Variants in ZNF207 observed in about 807,000 individuals in gnomAD.
ZNF207 encodes BUB3-interacting and GLEBS motif-containing protein ZNF207.
Under a neutral mutation model 60.2 loss-of-function variants are expected in ZNF207, and 24 were observed. That is an observed-to-expected ratio of 0.40 (90% confidence interval 0.29 to 0.56). The LOEUF (loss-of-function observed/expected upper bound fraction) is 0.56, where lower values mean the gene tolerates loss of function less well. Ranked by LOEUF, ZNF207 falls within the 20% of genes least tolerant of loss-of-function variation. The pLI is 0.49. For synonymous variants in ZNF207, 236 were observed against 194.7 expected (o/e 1.21, Z -1.77); for missense variants, 452 against 636.6 (o/e 0.71, Z 3.12).
rs1457245183 is a variant in ZNF207 at position 32,379,094 on chromosome 17, A to G, written c.*9335A>G. On this transcript the variant is annotated 3_prime_UTR_variant, in exon 12 of 12. Coordinates refer to ENST00000394670, the MANE Select transcript of ZNF207 (RefSeq NM_001098507.2). ...AAGATAACCACTTGTTTTTTAATGTAAAATTGCACAAGGGCTTAAGTTTCA... is the reference window on the plus strand; with the variant it reads ...AAGATAACCACTTGTTTTTTAATGTGAAATTGCACAAGGGCTTAAGTTTCA... 1.3e-5 allele frequency: 2 copies of G among 152,132 alleles called. No homozygotes were observed. The highest frequency in any genetic ancestry group is 6.5e-5 in the Admixed American group (1 of 15,280). 9.4% of individuals were successfully genotyped at this position (152,132 alleles called of 1,614,324 possible). A position where few individuals can be genotyped will look rare whatever the true frequency, so the allele number is the denominator to read the frequency against.
intron 2 of ZNF207, among the ~76,000 whole-genome samples, chr17:32,354,902 C>A (rs1249907299): frequency 1.3e-5 from 2 of 152,234 alleles, no homozygotes; most frequent in Non-Finnish European, 2.9e-5. Flanking sequence ...GCGTGAGCCA[C>A]TGCGCCCAGC....
intron 8 of ZNF207, among the ~76,000 whole-genome samples, chr17:32,366,054 A>G (rs1185548308): frequency 6.6e-6 from 1 of 152,204 alleles, no homozygotes; most frequent in Non-Finnish European, 1.5e-5. Context: ...TATATGGTAT[A>G]CACATGATGG....
At chr17:32,350,434 C>T in intron 1 of ZNF207, 108 bp downstream of exon 1, 3 of 1,451,180 alleles carry the variant, frequency 2.1e-6, no homozygotes, top group South Asian at 2.3e-5. Context: ...TGTATTTAGG[C>T]GTCTGCGTGG....
At position 32,370,557 on chromosome 17, in the gene ZNF207, AAAACTT is replaced by A. The variant is rs1905422289; in HGVS notation, c.*801_*806del. The A allele has an allele frequency of 1.3e-5, 2 of 152,366 alleles. No individual in the cohort carries two copies. The highest frequency in any genetic ancestry group is 6.5e-5 in the Admixed American group (1 of 15,310). 9.4% of individuals were successfully genotyped at this position (152,366 alleles called of 1,614,324 possible). A position where few individuals can be genotyped will look rare whatever the true frequency, so the allele number is the denominator to read the frequency against. ...GTATGTTAATGTTTCAGTTAAGAGA[AAAACTT>A]AAGATACATGAGTCATTACATAATG... On this transcript the variant is annotated 3_prime_UTR_variant, in exon 12 of 12. Coordinates refer to ENST00000394670, the MANE Select transcript of ZNF207 (RefSeq NM_001098507.2).
chr17:32,361,498 A>T lies in ZNF207; in HGVS notation c.582A>T (p.Ser194=). Residue 194 remains serine, a synonymous_variant, in exon 6 of 12, where the codon TCA becomes TCT. Coordinates refer to ENST00000394670, the MANE Select transcript of ZNF207 (RefSeq NM_001098507.2). The part of the protein sequence containing the change: ...GLHHQRKYTQ[S]FCGENIMMPM... The stretch of plus-strand genomic sequence containing the variant: ...ATCATCAGAGAAAATACACCCAGTC[A>T]TTTTGCGGTGAAAACATGTAAGCAT... 1 of 1,607,856 alleles carries T rather than the reference A, an allele frequency of 6.2e-7. No homozygotes were observed. The highest frequency in any genetic ancestry group is 8.5e-7 in the Non-Finnish European group (1 of 1,177,014).
chr17:32,361,695 C>T lies in ZNF207; in HGVS notation c.599+180C>T, dbSNP rs140363711. Among the ~76,000 whole-genome samples the T allele has an allele frequency of 7.5e-3, 1,142 of 152,150 alleles. 12 individuals are homozygous for T. The highest frequency in any genetic ancestry group is 0.023 in the African/African-American group (968 of 41,492). On this transcript the variant is annotated intron_variant, in intron 6 of 11. Transcript: ENST00000394670. Reference sequence around the variant, plus strand: ...GGAAAATAAAACATCTTTTAGGAAACGGTAATAGACCCATATAAACATACT... The same window carrying T: ...GGAAAATAAAACATCTTTTAGGAAATGGTAATAGACCCATATAAACATACT...
rs1905718472 is a variant in ZNF207 at position 32,377,536 on chromosome 17, A to G, written c.*7777A>G. 6.6e-6 allele frequency: 1 copy of G among 151,994 alleles called. No individual in the cohort carries two copies. The allele number at this position is 151,994 out of a possible 1,614,324, so 9.4% of individuals were successfully genotyped here. A position where few individuals can be genotyped will look rare whatever the true frequency, so the allele number is the denominator to read the frequency against. ...AATTGAGAATCTCTGATGTGACAAA[A>G]TCAATTTTTACAAAAGTTGAATTAA... On this transcript the variant is annotated 3_prime_UTR_variant, in exon 12 of 12. Coordinates refer to ENST00000394670, the MANE Select transcript of ZNF207 (RefSeq NM_001098507.2).
chr17:32,379,587 C>G lies in ZNF207; in HGVS notation c.*9828C>G, dbSNP rs537869847. The G allele has an allele frequency of 2.6e-5, 4 of 152,034 alleles. No homozygotes were observed. Among genetic ancestry groups the G allele is most frequent in the Non-Finnish European group, 5.9e-5 (4 of 67,958 alleles). The allele number at this position is 152,034 out of a possible 1,614,324, so 9.4% of individuals were successfully genotyped here. A position where few individuals can be genotyped will look rare whatever the true frequency, so the allele number is the denominator to read the frequency against. ...TAGGTGTAAAATTAAGATACCAGAA[C>G]TTCATTCTGTTCTTGTTGAAGCTGT... On this transcript the variant is annotated 3_prime_UTR_variant, in exon 12 of 12. Coordinates refer to ENST00000394670, the MANE Select transcript of ZNF207 (RefSeq NM_001098507.2).
At position 32,378,058 on chromosome 17, in the gene ZNF207, G is replaced by A. The variant is rs1172660927; in HGVS notation, c.*8299G>A. On this transcript the variant is annotated 3_prime_UTR_variant, in exon 12 of 12. Transcript: ENST00000394670. ...TATAACTCACACAAGGAAGAAAGCT[G>A]TGCGGTTACTTAAATGTTAGTATAA... The A allele has an allele frequency of 6.6e-6, 1 of 152,414 alleles. No individual in the cohort carries two copies. Among genetic ancestry groups the A allele is most frequent in the Non-Finnish European group, 1.5e-5 (1 of 67,890 alleles). The allele number at this position is 152,414 out of a possible 1,614,324, so 9.4% of individuals were successfully genotyped here. A position where few individuals can be genotyped will look rare whatever the true frequency, so the allele number is the denominator to read the frequency against.
chr17:32,350,170 T>G lies in ZNF207; in HGVS notation c.-116T>G. 1 of 1,527,018 alleles carries G rather than the reference T, an allele frequency of 6.5e-7. No homozygotes were observed. 94.6% of individuals were successfully genotyped at this position (1,527,018 alleles called of 1,614,324 possible). ...GGGAACGAGGCCGTCGGCCATTTTG[T>G]GTCTGCTTCCTGTGGGACGTGGTGG... is the stretch of plus-strand genomic sequence containing the variant. On this transcript the variant is annotated 5_prime_UTR_variant, in exon 1 of 12. Transcript: ENST00000394670.
At chr17:32,368,743 A>AC (rs1905320347) in intron 10 of ZNF207, 1 of 152,158 alleles carries the variant, frequency 6.6e-6, no homozygotes, top group African/African-American at 2.4e-5. Flanking sequence ...AGTGGCTCAC[A>AC]CCGGTAATCC....
rs746535760 is a variant in ZNF207, at chr17:32,365,397, A to G, written c.738A>G (p.Pro246=). The G allele has an allele frequency of 6.2e-7, 1 of 1,613,988 alleles. No individual in the cohort carries two copies. The highest frequency in any genetic ancestry group is 8.5e-7 in the Non-Finnish European group (1 of 1,180,024). The change falls in exon 8 of 12, where the codon CCA becomes CCG. Residue 246 remains proline, a synonymous_variant. Transcript: ENST00000394670. ...CTCAAGCACAGGCTGTTTCAGCGCC[A>G]GGTATTCTTAATAGACCACCTGCAC... ...PMTQAQAVSA[P]GILNRPPAPT...
Position 32,370,854 on chromosome 17 carries a change from C to G in ZNF207, c.*1095C>G, listed in dbSNP as rs1168394034. On this transcript the variant is annotated 3_prime_UTR_variant, in exon 12 of 12. Coordinates refer to ENST00000394670, the MANE Select transcript of ZNF207 (RefSeq NM_001098507.2). ...TGTTAATGGGTTATTATATATTATT[C>G]TAAGTGTAATGCTGAGAATCTAAAT... 1 of 152,136 alleles carries G rather than the reference C, an allele frequency of 6.6e-6. No homozygotes were observed. The highest frequency in any genetic ancestry group is 1.5e-5 in the Non-Finnish European group (1 of 68,024). The allele number at this position is 152,136 out of a possible 1,614,324, so 9.4% of individuals were successfully genotyped here. A position where few individuals can be genotyped will look rare whatever the true frequency, so the allele number is the denominator to read the frequency against.
In ZNF207 at chr17:32,373,135, AT is replaced by A. The variant is rs1263933052; in HGVS notation, c.*3377del. ...ACATTTGCCATTAGGTATGAATAAA[AT>A]ATTCCTACTGTACTCCTATTCCACT... On this transcript the variant is annotated 3_prime_UTR_variant, in exon 12 of 12. Transcript: ENST00000394670. The A allele has an allele frequency of 8.8e-6, 3 of 340,252 alleles. No homozygotes were observed. The highest frequency in any genetic ancestry group is 1.6e-5 in the Non-Finnish European group (3 of 188,796). 21.1% of individuals were successfully genotyped at this position (340,252 alleles called of 1,614,324 possible).
chr17:32,358,686 A>ATT (rs368787491), intron 3 of ZNF207, 45 bp downstream of exon 3: 354 of 1,033,128 alleles, frequency 3.4e-4, no homozygotes, highest in African/African-American at 7.1e-4. Context: ...ATTTTTTTTA[A>ATT]TTTTTTTTTT....
chr17:32,350,502 G>C (rs1024513469), intron 1 of ZNF207, 176 bp downstream of exon 1: 21 of 775,470 alleles, frequency 2.7e-5, no homozygotes, highest in South Asian at 2.1e-4. Flanking sequence ...GGGTTCCGAG[G>C]TCGACAGGCT....
In ZNF207 at chr17:32,374,429, G is replaced by A. The variant is rs770836321; in HGVS notation, c.*4670G>A. On this transcript the variant is annotated 3_prime_UTR_variant, in exon 12 of 12. Coordinates refer to ENST00000394670, the MANE Select transcript of ZNF207 (RefSeq NM_001098507.2). ...AGACGGGGTTTCACCGTGTTAGCCA[G>A]GATGGTCTCGATCTCCTGACTTTGC... 2.6e-5 allele frequency: 4 copies of A among 151,164 alleles called. No homozygotes were observed. Among genetic ancestry groups the A allele is most frequent in the Non-Finnish European group, 5.9e-5 (4 of 67,970 alleles). 9.4% of individuals were successfully genotyped at this position (151,164 alleles called of 1,614,324 possible).
At chr17:32,360,396 C>T (rs6505294) in intron 3 of ZNF207, among the ~76,000 whole-genome samples, 97,284 of 151,862 alleles carry the variant, frequency 0.64, 32,811 homozygotes, top group African/African-American at 0.81. Flanking sequence ...TTTTACCTTT[C>T]ATAGGACAGG....
chr17:32,358,508 TAAAG>T lies in ZNF207; in HGVS notation c.178_181del (p.Glu60GlnfsTer2). ...ATGGAAATTGTTGTTGTTAGGTACA[TAAAG>T]AAACAATAGATGCCGTACCAAATGC... On this transcript the variant is annotated frameshift_variant, in exon 3 of 12. Transcript: ENST00000394670. LOFTEE classifies it high-confidence loss of function. The T allele has an allele frequency of 6.5e-7, 1 of 1,549,058 alleles. No individual in the cohort carries two copies. The highest frequency in any genetic ancestry group is 8.6e-7 in the Non-Finnish European group (1 of 1,158,460).
Sources: gnomAD v4.1 joint callset for allele counts (sites outside exome capture counted in the v4.1 genomes callset) on GRCh38, gnomAD v4.1.1 for gene constraint, MANE v1.5 for transcripts, NCBI Gene and HGNC (gene_info 2026-07-23, HGNC 2026-07-21) for gene names.